ARIH1: variants seen among roughly 807,000 people sequenced by gnomAD.
ARIH1 encodes ariadne RBR E3 ubiquitin protein ligase 1.
A neutral mutation model predicts 85.0 loss-of-function variants in ARIH1; 8 were observed. That is an observed-to-expected ratio of 0.09 (90% CI 0.06 to 0.17). The LOEUF (loss-of-function observed/expected upper bound fraction) is 0.17, where lower values mean the gene tolerates loss of function less well. Among genes scored for constraint, ARIH1 ranks in the 10% least tolerant of loss-of-function variants. ARIH1 has a pLI of 1.00. For missense variants in ARIH1, 311 were observed against 718.1 expected (o/e 0.43, Z 6.48); for synonymous variants, 238 against 253.6 (o/e 0.94, Z 0.59).
At chr15:72,526,888 G>T (rs2064031330) in intron 2 of ARIH1, among the ~76,000 whole-genome samples, 1 of 134,338 alleles carries the variant, frequency 7.4e-6, no homozygotes, top group African/African-American at 2.6e-5. Flanking sequence ...AATCTCTGCA[G>T]ATTAATTTCT....
In ARIH1 at chr15:72,474,792, G is replaced by A. The variant is rs779067439; in HGVS notation, c.153G>A (p.Gly51=). 6.6e-7 allele frequency: 1 copy of A among 1,506,470 alleles called. No homozygotes were observed. Among genetic ancestry groups the A allele is most frequent in the Non-Finnish European group, 8.9e-7 (1 of 1,123,970 alleles). 93.3% of individuals were successfully genotyped at this position (1,506,470 alleles called of 1,614,324 possible). A position where few individuals can be genotyped will look rare whatever the true frequency, so the allele number is the denominator to read the frequency against. The part of the protein sequence containing the change: ...DLGEVELVEP[G]LGVGGERDGL... ...GCGAGGTGGAGCTGGTGGAGCCCGG[G>A]CTGGGCGTCGGCGGGGAGCGGGACG... Residue 51 remains glycine, a synonymous_variant, in exon 1 of 14, where the codon GGG becomes GGA. Coordinates refer to ENST00000379887, the MANE Select transcript of ARIH1 (RefSeq NM_005744.5).
intron 1 of ARIH1, among the ~76,000 whole-genome samples, chr15:72,498,744 G>T (rs796948314): frequency 1.4e-4 from 22 of 151,940 alleles, no homozygotes; most frequent in African/African-American, 5.3e-4. Context: ...GGAGGCTGAG[G>T]CAGGAGAATG....
Position 72,593,027 on chromosome 15 carries a change from A to G in ARIH1, c.*9735A>G, listed in dbSNP as rs569539338. On this transcript the variant is annotated 3_prime_UTR_variant, in exon 14 of 14. Transcript: ENST00000379887. ...AGTGGTTTTACCATTTTGTACTCCT[A>G]TCAGTGATGTATGAGAGTTACAGTT... 2.0e-5 allele frequency: 3 copies of G among 152,334 alleles called. No individual in the cohort carries two copies. The highest frequency in any genetic ancestry group is 3.9e-4 in the East Asian group (2 of 5,188). The allele number at this position is 152,334 out of a possible 1,614,324, so 9.4% of individuals were successfully genotyped here.
chr15:72,555,496 T>G, intron 4 of ARIH1, 133 bp downstream of exon 4: 1 of 679,640 alleles, frequency 1.5e-6, no homozygotes, highest in Admixed American at 3.1e-5. Flanking sequence ...CTAAAGATAA[T>G]AGGCTTTTTC....
intron 12 of ARIH1, chr15:72,581,818 C>A (rs2064296427): frequency 3.4e-6 from 1 of 295,008 alleles, no homozygotes; most frequent in African/African-American, 2.2e-5. Context: ...ATTTTAAATC[C>A]TTTCAAATGG....
chr15:72,546,259 G>A (rs1011022727), intron 3 of ARIH1, among the ~76,000 whole-genome samples: 2 of 152,134 alleles, frequency 1.3e-5, no homozygotes, highest in Admixed American at 6.5e-5. Flanking sequence ...AGTTGTATAT[G>A]TGTATCTCTA....
intron 2 of ARIH1, among the ~76,000 whole-genome samples, chr15:72,534,970 T>TTTTTTTTTTTTTTTTTTTTG (rs1567349493): frequency 2.6e-5 from 3 of 114,620 alleles, no homozygotes; most frequent in Admixed American, 9.5e-5. Context: ...TTTTTTTTTT[T>TTTTTTTTTTTTTTTTTTTTG]GAGACGGAGT....
intron 11 of ARIH1, among the ~76,000 whole-genome samples, chr15:72,572,642 G>T (rs999262412): frequency 6.6e-6 from 1 of 152,170 alleles, no homozygotes; most frequent in African/African-American, 2.4e-5. Context: ...CATTCTTATA[G>T]TAAGTTTATT....
At chr15:72,480,668 G>A (rs773219237) in intron 1 of ARIH1, among the ~76,000 whole-genome samples, 9 of 152,086 alleles carry the variant, frequency 5.9e-5, no homozygotes, top group African/African-American at 7.2e-5. Flanking sequence ...AGGTTCAAGC[G>A]ATTCTCCTGC....
chr15:72,509,001 T>G (rs538669500), intron 1 of ARIH1, among the ~76,000 whole-genome samples: 2 of 151,508 alleles, frequency 1.3e-5, no homozygotes, highest in East Asian at 3.9e-4. Flanking sequence ...GCCCTTTTTT[T>G]TTTTTTTTGA....
chr15:72,580,591 G>A, intron 11 of ARIH1, 140 bp from the exon 12 acceptor site: 1 of 782,342 alleles, frequency 1.3e-6, no homozygotes. Context: ...TCTTTGCCAA[G>A]ACTTATCTTT....
At chr15:72,533,213 C>G (rs1484893070) in intron 2 of ARIH1, among the ~76,000 whole-genome samples, 1 of 152,104 alleles carries the variant, frequency 6.6e-6, no homozygotes, top group Non-Finnish European at 1.5e-5. Flanking sequence ...ACTGCAGCCC[C>G]CTACCTGCCA....
At chr15:72,551,710 T>A (rs1048043071) in intron 3 of ARIH1, among the ~76,000 whole-genome samples, 1 of 152,118 alleles carries the variant, frequency 6.6e-6, no homozygotes, top group African/African-American at 2.4e-5. Flanking sequence ...ATATGAACAC[T>A]AAGAATTAAA....
chr15:72,540,732 G>T (rs908431170), intron 2 of ARIH1, among the ~76,000 whole-genome samples: 1 of 152,150 alleles, frequency 6.6e-6, no homozygotes. Context: ...AAGGTGAGGC[G>T]AGAGGATCTC....
chr15:72,514,402 A>G (rs1329559616), intron 1 of ARIH1, among the ~76,000 whole-genome samples: 4 of 152,154 alleles, frequency 2.6e-5, no homozygotes, highest in African/African-American at 9.7e-5. Flanking sequence ...CATTTTTTTA[A>G]AAAATAGTAA....
chr15:72,482,575 C>T (rs1383041950), intron 1 of ARIH1, among the ~76,000 whole-genome samples: 1 of 152,080 alleles, frequency 6.6e-6, no homozygotes, highest in Non-Finnish European at 1.5e-5. Context: ...TAATGTAGAA[C>T]CTGGGAGATT....
chr15:72,491,481 A>T (rs959715667), intron 1 of ARIH1, among the ~76,000 whole-genome samples: 1 of 152,150 alleles, frequency 6.6e-6, no homozygotes, highest in Admixed American at 6.5e-5. Flanking sequence ...TCAGTGTATT[A>T]ATTTTGGTAT....
At chr15:72,560,021 G>C (rs1401589622) in intron 5 of ARIH1, among the ~76,000 whole-genome samples, 2 of 152,026 alleles carry the variant, frequency 1.3e-5, no homozygotes, top group Non-Finnish European at 2.9e-5. Context: ...GAATTCCTGG[G>C]TCTTGTGGTA....
intron 1 of ARIH1, among the ~76,000 whole-genome samples, chr15:72,480,263 ATT>A (rs762120667): frequency 2.5e-4 from 34 of 136,154 alleles, no homozygotes; most frequent in Non-Finnish European, 2.6e-4. Flanking sequence ...GAACCTTCAA[ATT>A]TTTTTTTTTT....
Sources: gnomAD v4.1 joint callset for allele counts (sites outside exome capture counted in the v4.1 genomes callset) on GRCh38, gnomAD v4.1.1 for gene constraint, MANE v1.5 for transcripts, NCBI Gene and HGNC (gene_info 2026-07-23, HGNC 2026-07-21) for gene names.